GSG1L: variants seen among roughly 807,000 people sequenced by gnomAD.
GSG1L encodes GSG1 like, also known as germ cell-specific gene 1-like protein.
In GSG1L, 24 loss-of-function variants were observed where a neutral mutation model predicts 42.1. The observed-to-expected ratio is 0.57, with a 90% CI of 0.41 to 0.80. The LOEUF (loss-of-function observed/expected upper bound fraction) is 0.80, where lower values mean the gene tolerates loss of function less well. Ranked by LOEUF, GSG1L falls within the 30% of genes least tolerant of loss-of-function variation. The pLI is 0.00. For missense variants in GSG1L, 445 were observed against 472.2 expected, an observed-to-expected ratio of 0.94 and a Z score of 0.53; for synonymous variants, 215 against 203.5, an observed-to-expected ratio of 1.06 and a Z score of -0.48.
At chr16:28,057,226 A>G (rs913856954) in intron 1 of GSG1L, among the ~76,000 whole-genome samples, 1 of 152,016 alleles carries the variant, frequency 6.6e-6, no homozygotes, top group African/African-American at 2.4e-5. Flanking sequence ...GGAACAGGGA[A>G]CCCTCCAGCC....
intron 1 of GSG1L, among the ~76,000 whole-genome samples, chr16:27,994,071 C>CT (rs11415221): frequency 0.8 from 122,400 of 152,062 alleles, 49,687 homozygotes; most frequent in African/African-American, 0.9. Flanking sequence ...TAAACTTTTG[C>CT]GCAACCTCAT....
At chr16:27,860,793 C>G (rs2083639552) in intron 3 of GSG1L, among the ~76,000 whole-genome samples, 1 of 152,180 alleles carries the variant, frequency 6.6e-6, no homozygotes, top group Non-Finnish European at 1.5e-5. Flanking sequence ...AGGACGCCAG[C>G]CTAGGCAGGG....
intron 1 of GSG1L, among the ~76,000 whole-genome samples, chr16:28,056,853 G>C (rs2086284774): frequency 6.6e-6 from 1 of 152,126 alleles, no homozygotes; most frequent in African/African-American, 2.4e-5. Flanking sequence ...ACCTCGATCA[G>C]AGCAGTGGGG....
chr16:27,884,561 C>G lies in GSG1L; in HGVS notation c.475G>C (p.Glu159Gln). ...LVVGFSLMCLELFHSSNVIDG... is the reference protein window; with the variant it reads ...LVVGFSLMCLQLFHSSNVIDG... Reference sequence around the variant, plus strand: ...ATGACATTGCTGGAGTGGAAGAGCTCGAGACACATGAGGCTGAAGCCAACC... The same window carrying G: ...ATGACATTGCTGGAGTGGAAGAGCTGGAGACACATGAGGCTGAAGCCAACC... The change falls in exon 3 of 7, where the codon GAG becomes CAG. Residue 159 changes from glutamate (E) to glutamine (Q), a missense_variant. Glu to Gln is a conservative substitution (Grantham distance 29). Transcript: ENST00000447459. The surrounding 1 kb of genome is among the most constrained non-coding windows in gnomAD (Gnocchi z 4.4). The G allele has an allele frequency of 6.2e-7, 1 of 1,613,548 alleles. No individual in the cohort carries two copies. The highest frequency in any genetic ancestry group is 8.5e-7 in the Non-Finnish European group (1 of 1,179,800).
At chr16:27,995,388 G>A (rs981464883) in intron 1 of GSG1L, among the ~76,000 whole-genome samples, 1 of 152,008 alleles carries the variant, frequency 6.6e-6, no homozygotes, top group Admixed American at 6.5e-5. Flanking sequence ...GGTGGGTAAA[G>A]AATCTATGTA....
At chr16:27,937,922 G>A (rs558904571) in intron 2 of GSG1L, among the ~76,000 whole-genome samples, 1 of 152,120 alleles carries the variant, frequency 6.6e-6, no homozygotes, top group Admixed American at 6.5e-5. Context: ...TTGTTGTGGC[G>A]ACACCCACAT....
chr16:27,847,093 AAG>A (rs143360735), intron 3 of GSG1L, among the ~76,000 whole-genome samples: 2,076 of 152,346 alleles, frequency 0.014, 44 homozygotes, highest in African/African-American at 0.048. Context: ...CTGAATTAAA[AAG>A]AGACTTTTTG....
intron 1 of GSG1L, among the ~76,000 whole-genome samples, chr16:27,990,101 T>G (rs1335769213): frequency 6.6e-6 from 1 of 152,142 alleles, no homozygotes; most frequent in Admixed American, 6.6e-5. Context: ...TAACCCAACA[T>G]CAAGCAGAAC....
chr16:27,943,822 G>A (rs1329379155), intron 2 of GSG1L, among the ~76,000 whole-genome samples: 3 of 151,804 alleles, frequency 2.0e-5, no homozygotes, highest in East Asian at 1.9e-4. Context: ...TCCTCCATCC[G>A]TCTTTGCCTC....
intron 1 of GSG1L, among the ~76,000 whole-genome samples, chr16:28,046,850 G>T (rs1484666021): frequency 2.0e-5 from 3 of 152,202 alleles, no homozygotes; most frequent in Non-Finnish European, 4.4e-5. Flanking sequence ...CTGATCACCT[G>T]TGGCCGACTT....
chr16:27,910,048 CTCCCAGG>C (rs1393408358), intron 2 of GSG1L, among the ~76,000 whole-genome samples: 3 of 151,032 alleles, frequency 2.0e-5, no homozygotes, highest in African/African-American at 7.3e-5. Flanking sequence ...CAACCTCCAC[CTCCCAGG>C]TCCAAGAGAT....
At chr16:27,840,048 T>G (rs1292287701) in intron 4 of GSG1L, among the ~76,000 whole-genome samples, 1 of 151,530 alleles carries the variant, frequency 6.6e-6, no homozygotes, top group African/African-American at 2.4e-5. Flanking sequence ...TTTTTTTTTT[T>G]TTTTTGAGAC....
chr16:27,978,690 CAAAA>C (rs11409403), intron 1 of GSG1L, among the ~76,000 whole-genome samples: 20 of 90,104 alleles, frequency 2.2e-4, no homozygotes, highest in South Asian at 1.1e-3. Flanking sequence ...GACTCCATCT[CAAAA>C]AAAAAAAAAA....
intron 2 of GSG1L, among the ~76,000 whole-genome samples, chr16:27,931,359 G>A (rs764753588): frequency 1.3e-5 from 2 of 152,134 alleles, no homozygotes; most frequent in Non-Finnish European, 2.9e-5. Context: ...GCTTCATGCC[G>A]CTGCCTCCAT....
rs574584052 is a variant in GSG1L at position 27,907,040 on chromosome 16, G to T, written c.398-22402C>A. ...CAGTCCAGCTGCTCCCAGCTACAGGGCTAGTATCCTCAGAGTCTACTGTGA... is the reference window on the plus strand; with the variant it reads ...CAGTCCAGCTGCTCCCAGCTACAGGTCTAGTATCCTCAGAGTCTACTGTGA... On this transcript the variant is annotated intron_variant, in intron 2 of 6. Transcript: ENST00000447459. Among the ~76,000 whole-genome samples, 11 of 152,316 alleles carry T rather than the reference G, an allele frequency of 7.2e-5. 1 individual carries two copies. Among genetic ancestry groups the T allele is most frequent in the Admixed American group, 6.5e-4 (10 of 15,298 alleles).
At chr16:27,807,448 G>A in intron 6 of GSG1L, 39 bp downstream of exon 6, 1 of 1,555,590 alleles carries the variant, frequency 6.4e-7, no homozygotes, top group Non-Finnish European at 8.8e-7. Context: ...GGCAGCCCAT[G>A]AATCTGTCGT....
chr16:27,851,048 G>A lies in GSG1L; in HGVS notation c.551-5987C>T, dbSNP rs566188638. On this transcript the variant is annotated intron_variant, in intron 3 of 6. Coordinates refer to ENST00000447459, the MANE Select transcript of GSG1L (RefSeq NM_001109763.2). ...GGAGAGATGGACAGAGCAGGGGAGC[G>A]AGAGGGCGATTGTGGAAGCAAGGTC... is the stretch of plus-strand genomic sequence containing the variant. 7.9e-5 allele frequency among the ~76,000 whole-genome samples: 12 copies of A among 152,230 alleles called. No individual in the cohort carries two copies. In the East Asian group the frequency reaches 1.7e-3, roughly 22 times the overall value.
chr16:27,950,462 TTAATAAG>T (rs2084938526), intron 2 of GSG1L, among the ~76,000 whole-genome samples: 1 of 152,148 alleles, frequency 6.6e-6, no homozygotes, highest in Non-Finnish European at 1.5e-5. Context: ...TTAATCACCT[TTAATAAG>T]AGCACATAAT....
In GSG1L at chr16:28,027,892, T is replaced by C. The variant is rs565160851; in HGVS notation, c.349+35184A>G. ...AAAAATTGCCAGGCATAGTCCCAGC[T>C]ACTTGGGGGGCTAAGGTGGAAGGAT... On this transcript the variant is annotated intron_variant, in intron 1 of 6. Transcript: ENST00000447459. 1.2e-3 allele frequency among the ~76,000 whole-genome samples: 182 copies of C among 152,142 alleles called. 1 individual carries two copies. Among genetic ancestry groups the C allele is most frequent in the Non-Finnish European group, 1.2e-3 (83 of 68,020 alleles).
Sources: allele counts gnomAD v4.1 joint callset (sites outside exome capture counted in the v4.1 genomes callset), GRCh38; gene constraint gnomAD v4.1.1; non-coding constraint Gnocchi (gnomAD v3.1); transcripts MANE v1.5; gene names NCBI Gene and HGNC (gene_info 2026-07-23, HGNC 2026-07-21).